Variants in FHIT observed in about 807,000 individuals in gnomAD.
FHIT encodes the protein bis(5'-adenosyl)-triphosphatase.
Under a neutral mutation model 17.9 loss-of-function variants are expected in FHIT, and 19 were observed. The observed-to-expected ratio is 1.06, with a 90% CI of 0.74 to 1.56. The LOEUF (loss-of-function observed/expected upper bound fraction) is 1.56, where lower values mean the gene tolerates loss of function less well. FHIT is among the 40% of genes most tolerant of loss of function. The probability of loss-of-function intolerance (pLI) is 0.00; values close to 1 mark genes in which losing one functional copy is unlikely to be tolerated. For missense variants in FHIT, 248 were observed against 189.2 expected (o/e 1.31, Z -1.82); for synonymous variants, 81 against 69.7 (o/e 1.16, Z -0.81).
chr3:60,086,290 G>A (rs1476370233), intron 5 of FHIT, among the ~76,000 whole-genome samples: 1 of 152,060 alleles, frequency 6.6e-6, no homozygotes, highest in Non-Finnish European at 1.5e-5. Context: ...CCTCCCCCAG[G>A]CCCCACCTCC....
chr3:60,233,520 C>T (rs909159214), intron 5 of FHIT, among the ~76,000 whole-genome samples: 20 of 152,124 alleles, frequency 1.3e-4, no homozygotes, highest in Admixed American at 5.2e-4. Flanking sequence ...CACCTTCCCT[C>T]CCCGCTCTCC....
At chr3:60,653,569 G>A (rs1007745453) in intron 4 of FHIT, among the ~76,000 whole-genome samples, 1 of 151,944 alleles carries the variant, frequency 6.6e-6, no homozygotes, top group African/African-American at 2.4e-5. Flanking sequence ...GAGTTAAAGA[G>A]AAAGATGAAT....
chr3:61,112,001 C>T (rs2036172403), intron 2 of FHIT, among the ~76,000 whole-genome samples: 1 of 152,110 alleles, frequency 6.6e-6, no homozygotes. Context: ...TTTTCAACAG[C>T]CTTTGAGGTA....
chr3:60,852,601 G>A (rs557028342), intron 3 of FHIT, among the ~76,000 whole-genome samples: 18 of 151,912 alleles, frequency 1.2e-4, no homozygotes, highest in South Asian at 4.2e-4. Flanking sequence ...TCCATCACTC[G>A]CTCTAGAACT....
intron 5 of FHIT, among the ~76,000 whole-genome samples, chr3:60,384,708 AAACAAC>A (rs111660638): frequency 1.3e-5 from 2 of 151,620 alleles, no homozygotes; most frequent in African/African-American, 2.4e-5. Context: ...CAAAATCTTA[AAACAAC>A]AACAACAACA....
At chr3:60,114,489 C>CTTTTTTTTTTTTTT (rs1576129465) in intron 5 of FHIT, among the ~76,000 whole-genome samples, 83 of 61,592 alleles carry the variant, frequency 1.3e-3, no homozygotes, top group Non-Finnish European at 1.8e-3. Context: ...AAGAGAAATC[C>CTTTTTTTTTTTTTT]TTTTTTTTTT....
intron 5 of FHIT, among the ~76,000 whole-genome samples, chr3:60,351,035 C>A (rs1371921029): frequency 6.6e-6 from 1 of 152,042 alleles, no homozygotes; most frequent in Non-Finnish European, 1.5e-5. Context: ...GCTGATGAGA[C>A]CACAGCCCCA....
chr3:61,006,750 A>G (rs564386445), intron 3 of FHIT, among the ~76,000 whole-genome samples: 1 of 152,242 alleles, frequency 6.6e-6, no homozygotes, highest in South Asian at 2.1e-4. Context: ...AGTATTTTTG[A>G]AATAAAATAT....
chr3:60,117,766 A>G (rs1026704269), intron 5 of FHIT, among the ~76,000 whole-genome samples: 3 of 152,016 alleles, frequency 2.0e-5, no homozygotes, highest in Admixed American at 2.0e-4. Context: ...GATGAAGGTT[A>G]AGAAGATGTA....
At chr3:59,845,189 T>C (rs116802424) in intron 8 of FHIT, among the ~76,000 whole-genome samples, 11 of 152,248 alleles carry the variant, frequency 7.2e-5, no homozygotes, top group Admixed American at 1.3e-4. Flanking sequence ...TTTCTTAGTC[T>C]AGCTAAAATT....
chr3:60,944,550 T>A (rs1708560559), intron 3 of FHIT, among the ~76,000 whole-genome samples: 2 of 152,246 alleles, frequency 1.3e-5, no homozygotes, highest in South Asian at 4.1e-4. Flanking sequence ...AGACTTTAAT[T>A]TATTAAGTTA....
chr3:60,587,554 C>T (rs1016033697), intron 4 of FHIT, among the ~76,000 whole-genome samples: 1 of 151,888 alleles, frequency 6.6e-6, no homozygotes, highest in African/African-American at 2.4e-5. Context: ...AAAGTAATCA[C>T]CTGATATTCA....
chr3:60,374,893 A>G (rs1482999646), intron 5 of FHIT, among the ~76,000 whole-genome samples: 1 of 152,082 alleles, frequency 6.6e-6, no homozygotes, highest in Non-Finnish European at 1.5e-5. Flanking sequence ...CTCTACAGTC[A>G]GTTAACAGGA....
intron 5 of FHIT, among the ~76,000 whole-genome samples, chr3:60,463,693 C>G (rs973081607): frequency 3.3e-5 from 5 of 152,056 alleles, no homozygotes; most frequent in Non-Finnish European, 7.4e-5. Context: ...GAGAAGTTGC[C>G]CAGAAAATAG....
intron 4 of FHIT, among the ~76,000 whole-genome samples, chr3:60,561,456 C>T (rs1164441013): frequency 6.6e-6 from 1 of 151,636 alleles, no homozygotes; most frequent in African/African-American, 2.4e-5. Flanking sequence ...AATGTTTGAG[C>T]CATTTTTTTC....
chr3:59,987,621 G>T (rs893050141), intron 7 of FHIT, among the ~76,000 whole-genome samples: 1 of 151,952 alleles, frequency 6.6e-6, no homozygotes, highest in Non-Finnish European at 1.5e-5. Context: ...AAATTTGAGC[G>T]AGGCTGACTC....
At chr3:59,775,539 C>G (rs189458307) in intron 8 of FHIT, among the ~76,000 whole-genome samples, 4 of 148,084 alleles carry the variant, frequency 2.7e-5, no homozygotes, top group African/African-American at 1.0e-4. Flanking sequence ...TGCAAATCAT[C>G]TCCCACTCAT....
At chr3:60,670,396 G>C (rs2040479470) in intron 4 of FHIT, among the ~76,000 whole-genome samples, 1 of 152,150 alleles carries the variant, frequency 6.6e-6, no homozygotes, top group Admixed American at 6.5e-5. Context: ...CTGGGGACTT[G>C]GGATAACCTT....
intron 2 of FHIT, among the ~76,000 whole-genome samples, chr3:61,121,970 A>T (rs935641817): frequency 1.8e-4 from 27 of 152,324 alleles, no homozygotes; most frequent in Non-Finnish European, 3.4e-4. Context: ...AACAAAGATT[A>T]AAAAAGACAA....
Sources: allele counts gnomAD v4.1 joint callset (sites outside exome capture counted in the v4.1 genomes callset), GRCh38; gene constraint gnomAD v4.1.1; transcripts MANE v1.5; gene names NCBI Gene and HGNC (gene_info 2026-07-23, HGNC 2026-07-21).